The following XYLT1 variants were observed in gnomAD, a reference collection of about 807,000 sequenced individuals.
The protein encoded by XYLT1 is xylosyltransferase 1, also known as beta-D-xylosyltransferase 1.
In XYLT1, 36 loss-of-function variants were observed where a neutral mutation model predicts 91.3. The observed-to-expected ratio is 0.39, with a 90% confidence interval of 0.30 to 0.52. The LOEUF is 0.52. Among genes scored for constraint, XYLT1 ranks in the 20% least tolerant of loss-of-function variants. The pLI is 0.68. For missense variants in XYLT1, 1,242 were observed against 1,284.5 expected (o/e 0.97, Z 0.51); for synonymous variants, 588 against 532.0 (o/e 1.11, Z -1.45).
rs575639109 is a variant in XYLT1 at position 17,239,593 on chromosome 16, G to GTCCA, written c.913+19391_913+19394dup. On this transcript the variant is annotated intron_variant, in intron 3 of 11. Transcript: ENST00000261381. ...ATCCATCCATCCACTCACCTAGTCC[G>GTCCA]TCCATCCATCCATCCATCCATCCAT... Among the ~76,000 whole-genome samples, 104 of 141,896 alleles carry GTCCA rather than the reference G, an allele frequency of 7.3e-4. 3 individuals are homozygous for GTCCA. The highest frequency in any genetic ancestry group is 4.7e-3 in the South Asian group (21 of 4,468). The allele number at this position is 141,896 out of a possible 152,430, so 93.1% of individuals were successfully genotyped here.
intron 1 of XYLT1, among the ~76,000 whole-genome samples, chr16:17,437,419 A>G (rs1397446397): frequency 6.6e-6 from 1 of 152,174 alleles, no homozygotes; most frequent in Non-Finnish European, 1.5e-5. Context: ...CACAGAAGCC[A>G]AGAAGGCATT....
intron 8 of XYLT1, among the ~76,000 whole-genome samples, chr16:17,136,723 G>C (rs1027929084): frequency 6.6e-6 from 1 of 151,986 alleles, no homozygotes; most frequent in African/African-American, 2.4e-5. Flanking sequence ...CAAGTTCTTC[G>C]CGCAAGAACT....
intron 3 of XYLT1, among the ~76,000 whole-genome samples, chr16:17,238,924 C>T (rs2033292163): frequency 6.6e-6 from 1 of 152,212 alleles, no homozygotes; most frequent in Non-Finnish European, 1.5e-5. Flanking sequence ...GGGCAGTCAT[C>T]TGCTCATTTT....
chr16:17,321,779 C>T (rs1388581372), intron 2 of XYLT1, among the ~76,000 whole-genome samples: 2 of 152,060 alleles, frequency 1.3e-5, no homozygotes, highest in African/African-American at 2.4e-5. Flanking sequence ...GGAATCTACT[C>T]GGTAGAGACC....
intron 1 of XYLT1, among the ~76,000 whole-genome samples, chr16:17,467,050 G>A (rs2036907130): frequency 6.6e-6 from 1 of 152,176 alleles, no homozygotes; most frequent in African/African-American, 2.4e-5. Context: ...AAAGAGTCCT[G>A]AGTTATCTGA....
At chr16:17,432,932 A>C (rs763119701) in intron 1 of XYLT1, among the ~76,000 whole-genome samples, 1 of 152,196 alleles carries the variant, frequency 6.6e-6, no homozygotes, top group Non-Finnish European at 1.5e-5. Flanking sequence ...TGAACGATGA[A>C]TTCATCTGTG....
intron 3 of XYLT1, among the ~76,000 whole-genome samples, chr16:17,207,280 G>A (rs1032660765): frequency 2.0e-4 from 30 of 151,948 alleles, no homozygotes; most frequent in Admixed American, 6.5e-5. Context: ...GGTTGGTCTC[G>A]AACTCCTGAC....
In XYLT1 at chr16:17,377,694, C is replaced by A. The variant is rs954307552; in HGVS notation, c.364-19644G>T. 3.9e-5 allele frequency among the ~76,000 whole-genome samples: 6 copies of A among 152,264 alleles called. No individual in the cohort carries two copies. In the East Asian group the frequency reaches 9.7e-4, roughly 25 times the overall value. On this transcript the variant is annotated intron_variant, in intron 1 of 11. Coordinates refer to ENST00000261381, the MANE Select transcript of XYLT1 (RefSeq NM_022166.4). The stretch of plus-strand genomic sequence containing the variant: ...ACATAACCAGAATAGTCAGGGAGTC[C>A]TCGAAACCCAGACATGACTTATTTT...
chr16:17,309,951 G>A (rs2034520539), intron 2 of XYLT1, among the ~76,000 whole-genome samples: 1 of 152,124 alleles, frequency 6.6e-6, no homozygotes, highest in African/African-American at 2.4e-5. Context: ...GGCCAGGGGT[G>A]GCAGGGAAGA....
At chr16:17,150,666 A>G (rs891534958) in intron 6 of XYLT1, among the ~76,000 whole-genome samples, 2 of 152,216 alleles carry the variant, frequency 1.3e-5, no homozygotes, top group African/African-American at 4.8e-5. Flanking sequence ...AATGAGGGGA[A>G]TCAAGCCTTA....
chr16:17,185,162 G>C (rs904940182), intron 5 of XYLT1, among the ~76,000 whole-genome samples: 9 of 152,232 alleles, frequency 5.9e-5, no homozygotes, highest in African/African-American at 2.2e-4. Context: ...TACAGCTCAG[G>C]AGACCCAGGA....
At chr16:17,438,614 T>C (rs114612493) in intron 1 of XYLT1, among the ~76,000 whole-genome samples, 1 of 152,222 alleles carries the variant, frequency 6.6e-6, no homozygotes, top group East Asian at 1.9e-4. Context: ...GGATAATTTA[T>C]GAAGAAAAGA....
chr16:17,196,170 G>A (rs930802306), intron 5 of XYLT1, among the ~76,000 whole-genome samples: 47 of 152,174 alleles, frequency 3.1e-4, no homozygotes, highest in Non-Finnish European at 6.8e-4. Flanking sequence ...CCCAAGCCTA[G>A]GAATGAAGAA....
At chr16:17,309,922 C>CTAT (rs2034519363) in intron 2 of XYLT1, among the ~76,000 whole-genome samples, 1 of 151,010 alleles carries the variant, frequency 6.6e-6, no homozygotes, top group Non-Finnish European at 1.5e-5. Context: ...GCATAGGTCA[C>CTAT]GGGGGTAGGG....
intron 1 of XYLT1, among the ~76,000 whole-genome samples, chr16:17,374,968 T>G (rs1392044605): frequency 6.6e-6 from 1 of 152,200 alleles, no homozygotes; most frequent in Non-Finnish European, 1.5e-5. Flanking sequence ...TGCCTGGGAC[T>G]GAGGATATGG....
At chr16:17,446,985 A>ACCCAC (rs796502393) in intron 1 of XYLT1, among the ~76,000 whole-genome samples, 1,070 of 82,998 alleles carry the variant, frequency 0.013, 14 homozygotes, top group African/African-American at 0.047. Context: ...CTACTCTCCC[A>ACCCAC]CCCACCCCCT....
intron 1 of XYLT1, among the ~76,000 whole-genome samples, chr16:17,360,336 C>G (rs2035364351): frequency 6.6e-6 from 1 of 152,164 alleles, no homozygotes; most frequent in Non-Finnish European, 1.5e-5. Flanking sequence ...CTTGGGAAGT[C>G]ACAGGAAATC....
intron 5 of XYLT1, among the ~76,000 whole-genome samples, chr16:17,164,940 G>A (rs183381984): frequency 7.2e-5 from 11 of 152,270 alleles, no homozygotes; most frequent in Admixed American, 7.2e-4. Flanking sequence ...ATGAAGATGA[G>A]CTGGTGACCC....
chr16:17,382,604 C>G, intron 1 of XYLT1, among the ~76,000 whole-genome samples: 1 of 151,846 alleles, frequency 6.6e-6, no homozygotes. Context: ...GCCAAGAGTG[C>G]AACCAGCACA....
Sources: allele counts gnomAD v4.1 joint callset (sites outside exome capture counted in the v4.1 genomes callset), GRCh38; gene constraint gnomAD v4.1.1; transcripts MANE v1.5; gene names NCBI Gene and HGNC (gene_info 2026-07-23, HGNC 2026-07-21).